The following ENOX2 variants were observed in gnomAD, a reference collection of about 807,000 sequenced individuals.
The protein encoded by ENOX2 is ecto-NOX disulfide-thiol exchanger 2.
ENOX2 carries 36 observed loss-of-function variants against 45.0 expected under a neutral mutation model. That is an observed-to-expected ratio of 0.80 (90% confidence interval 0.61 to 1.06). The LOEUF is 1.06. Ranked by LOEUF, ENOX2 falls within the 50% of genes least tolerant of loss-of-function variation. The probability of loss-of-function intolerance (pLI) is 0.00; values close to 1 mark genes in which losing one functional copy is unlikely to be tolerated. For synonymous variants in ENOX2, 174 were observed against 152.3 expected (o/e 1.14, Z -1.05); for missense variants, 423 against 462.5 (o/e 0.91, Z 0.78).
chrX:130,875,951 A>G (rs1182195846), intron 2 of ENOX2, among the ~76,000 whole-genome samples: 1 of 112,242 alleles, frequency 8.9e-6, no homozygotes, highest in Non-Finnish European at 1.9e-5. Flanking sequence ...GCAGACAATA[A>G]TAAGTGTTGA....
At chrX:130,629,775 G>T (rs1338243085) in intron 13 of ENOX2, among the ~76,000 whole-genome samples, 1 of 112,036 alleles carries the variant, frequency 8.9e-6, no homozygotes, top group African/African-American at 3.2e-5. Context: ...CAGCTTCCTA[G>T]ATGGCAGCTG....
chrX:130,714,129 A>T (rs751983031), intron 3 of ENOX2, among the ~76,000 whole-genome samples: 21 of 111,734 alleles, frequency 1.9e-4, no homozygotes, highest in Non-Finnish European at 3.4e-4. Flanking sequence ...AAAAAACCCC[A>T]CATCAGTCCT....
chrX:130,664,341 G>T (rs763694858), intron 9 of ENOX2, among the ~76,000 whole-genome samples: 3 of 112,481 alleles, frequency 2.7e-5, no homozygotes, highest in Non-Finnish European at 3.8e-5. Flanking sequence ...ATCCACAAAG[G>T]TTAAATAACT....
At chrX:130,788,660 T>C (rs2077001083) in intron 2 of ENOX2, among the ~76,000 whole-genome samples, 1 of 112,265 alleles carries the variant, frequency 8.9e-6, no homozygotes, top group Admixed American at 9.5e-5. Context: ...GAGTAACAGA[T>C]AACTAACAAA....
Position 130,645,930 on chromosome X carries a change from C to A in ENOX2, c.1130-8520G>T. 19 of 699,742 alleles carry A rather than the reference C, an allele frequency of 2.7e-5. No homozygotes were observed. The Middle Eastern group carries it at 5.1e-3, about 188-fold the overall frequency. 57.7% of individuals were successfully genotyped at this position (699,742 alleles called of 1,213,427 possible). On this transcript the variant is annotated intron_variant, in intron 10 of 14. Transcript: ENST00000394363. ...GTAGTTTAACTTGGGCAATAGCAGT[C>A]GTCCCAGCAATCAGTGCCACAACTC...
At chrX:130,675,584 T>C (rs1290932364) in intron 6 of ENOX2, among the ~76,000 whole-genome samples, 1 of 111,799 alleles carries the variant, frequency 8.9e-6, no homozygotes, top group East Asian at 2.8e-4. Flanking sequence ...AATTCAAGCA[T>C]AGGGAAAATG....
chrX:130,710,813 G>A (rs1049761288), intron 3 of ENOX2, among the ~76,000 whole-genome samples: 1 of 111,446 alleles, frequency 9.0e-6, no homozygotes, highest in Admixed American at 9.6e-5. Flanking sequence ...ATCTATTAAC[G>A]CTTTCAGCAT....
At position 130,750,643 on chromosome X, in the gene ENOX2, C is replaced by T. The variant is rs541735070; in HGVS notation, c.-39+32904G>A. The stretch of plus-strand genomic sequence containing the variant: ...GTCCAACTCTTTCAGTCTCCCATCT[C>T]GGTCAGTCTCTTTGTCTTGGTTTGT... On this transcript the variant is annotated intron_variant, in intron 3 of 14. Transcript: ENST00000394363. Among the ~76,000 whole-genome samples the T allele has an allele frequency of 1.4e-4, 16 of 111,453 alleles. No homozygotes were observed. The South Asian group carries it at 5.8e-3, about 40-fold the overall frequency.
chrX:130,680,037 T>A (rs1375480962), intron 5 of ENOX2, among the ~76,000 whole-genome samples: 1 of 112,247 alleles, frequency 8.9e-6, no homozygotes, highest in East Asian at 2.8e-4. Context: ...GTTGTGACAA[T>A]CCAGCTATGC....
At position 130,656,688 on chromosome X, in the gene ENOX2, C is replaced by A. The variant is rs200580901; in HGVS notation, c.1022G>T (p.Arg341Leu). ...CATTAATTCATCATTATGAATGTTG[C>A]GAATTTCCTAAGGTTAAAAAGTATG... ...SVWCKQAEEI[R>L]NIHNDELMGI... The change falls in exon 10 of 15, where the codon CGC (arginine) becomes CTC (leucine). Residue 341 changes from arginine (R) to leucine (L), a missense_variant. Physicochemically the swap from Arg to Leu is moderately radical, Grantham distance 102. Around this residue, in one of 5 missense-constraint regions of ENOX2, gnomAD observed 261 missense variants for 306.8 expected, o/e 0.85. Transcript: ENST00000394363. 9.2e-7 allele frequency: 1 copy of A among 1,091,679 alleles called. No individual in the cohort carries two copies. Among genetic ancestry groups the A allele is most frequent in the East Asian group, 3.0e-5 (1 of 32,881 alleles). 90.0% of individuals were successfully genotyped at this position (1,091,679 alleles called of 1,213,427 possible). A position where few individuals can be genotyped will look rare whatever the true frequency, so the allele number is the denominator to read the frequency against.
intron 3 of ENOX2, among the ~76,000 whole-genome samples, chrX:130,720,676 T>G (rs182426817): frequency 8.9e-6 from 1 of 112,270 alleles, no homozygotes; most frequent in East Asian, 2.8e-4. Flanking sequence ...TATTTTCTAG[T>G]TACAAATGAA....
intron 9 of ENOX2, among the ~76,000 whole-genome samples, chrX:130,665,146 C>T (rs2036798198): frequency 8.9e-6 from 1 of 111,985 alleles, no homozygotes; most frequent in African/African-American, 3.2e-5. Context: ...CAACCTTAAC[C>T]TAAGATCAGA....
chrX:130,884,331 T>C (rs1408932725), intron 2 of ENOX2, among the ~76,000 whole-genome samples: 3 of 112,458 alleles, frequency 2.7e-5, no homozygotes, highest in African/African-American at 6.5e-5. Flanking sequence ...CATTACCATC[T>C]TAAAGTCTCA....
intron 6 of ENOX2, among the ~76,000 whole-genome samples, chrX:130,676,764 C>T (rs891024655): frequency 9.0e-6 from 1 of 111,629 alleles, no homozygotes; most frequent in African/African-American, 3.3e-5. Flanking sequence ...CCTACTTTTT[C>T]AAACCTTTGT....
intron 2 of ENOX2, among the ~76,000 whole-genome samples, chrX:130,819,559 T>C (rs2077556996): frequency 9.0e-6 from 1 of 110,967 alleles, no homozygotes; most frequent in African/African-American, 3.3e-5. Flanking sequence ...AAAGGATGAG[T>C]TCATGTCTTT....
At chrX:130,652,542 A>G (rs1467518880) in intron 10 of ENOX2, among the ~76,000 whole-genome samples, 1 of 112,179 alleles carries the variant, frequency 8.9e-6, no homozygotes, top group Admixed American at 9.5e-5. Flanking sequence ...ATCTCATCAT[A>G]TTCCGCAAAT....
chrX:130,637,110 T>C, intron 11 of ENOX2, 119 bp downstream of exon 11: 1 of 595,750 alleles, frequency 1.7e-6, no homozygotes, highest in Non-Finnish European at 2.8e-6. Flanking sequence ...CCATGCCAGA[T>C]AATATTACAT....
chrX:130,638,157 C>T (rs2035983324), intron 10 of ENOX2, among the ~76,000 whole-genome samples: 1 of 107,949 alleles, frequency 9.3e-6, no homozygotes, highest in Admixed American at 9.9e-5. Flanking sequence ...CAACCTCCGC[C>T]TCCTGGGTTC....
chrX:130,677,943 C>T (rs1466374818), intron 6 of ENOX2, among the ~76,000 whole-genome samples: 1 of 109,065 alleles, frequency 9.2e-6, no homozygotes, highest in Non-Finnish European at 1.9e-5. Flanking sequence ...AAAAATTAGC[C>T]GGGCGTGGTG....
Sources: gnomAD v4.1 joint callset for allele counts (sites outside exome capture counted in the v4.1 genomes callset) on GRCh38, gnomAD v4.1.1 for gene constraint, gnomAD v4.1.1 regional missense constraint, MANE v1.5 for transcripts, NCBI Gene and HGNC (gene_info 2026-07-23, HGNC 2026-07-21) for gene names.